The following NKAIN2 variants were observed in gnomAD, a reference collection of about 807,000 sequenced individuals.
The protein encoded by NKAIN2 is sodium/potassium-transporting ATPase subunit beta-1-interacting protein 2.
NKAIN2 carries 14 observed loss-of-function variants against 32.6 expected under a neutral mutation model. The ratio of observed to expected loss-of-function variants is 0.43; its 90% CI spans 0.28 to 0.67. NKAIN2 has a LOEUF of 0.67. Ranked by LOEUF, NKAIN2 falls within the 30% of genes least tolerant of loss-of-function variation. NKAIN2 has a pLI of 0.17. For synonymous variants in NKAIN2, 80 were observed against 87.2 expected (o/e 0.92, Z 0.46); for missense variants, 198 against 258.3 (o/e 0.77, Z 1.60).
At chr6:124,498,476 G>A (rs939747183) in intron 3 of NKAIN2, among the ~76,000 whole-genome samples, 2 of 152,118 alleles carry the variant, frequency 1.3e-5, no homozygotes, top group East Asian at 3.9e-4. Flanking sequence ...ACGTTGTGAG[G>A]TTAAAGGAAA....
chr6:124,738,666 C>T (rs1733209265), intron 4 of NKAIN2, among the ~76,000 whole-genome samples: 1 of 151,772 alleles, frequency 6.6e-6, no homozygotes, highest in Non-Finnish European at 1.5e-5. Context: ...ATGCATGTAA[C>T]CTCTTTTCAC....
intron 4 of NKAIN2, among the ~76,000 whole-genome samples, chr6:124,668,850 A>G (rs1438436259): frequency 6.6e-6 from 1 of 152,136 alleles, no homozygotes; most frequent in Non-Finnish European, 1.5e-5. Context: ...TATAGTAAAG[A>G]AGTCACCAAA....
chr6:123,883,663 T>A (rs1317290345), intron 1 of NKAIN2, among the ~76,000 whole-genome samples: 5 of 135,116 alleles, frequency 3.7e-5, no homozygotes, highest in South Asian at 2.4e-4. Context: ...TTTTTTAAAA[T>A]TTTAAAAAAC....
At chr6:123,813,566 C>G (rs977409660) in intron 1 of NKAIN2, among the ~76,000 whole-genome samples, 2 of 152,106 alleles carry the variant, frequency 1.3e-5, no homozygotes, top group Non-Finnish European at 2.9e-5. Context: ...AATACCAGCA[C>G]TTTGGGAGGC....
At chr6:124,615,310 C>T (rs1255623402) in intron 3 of NKAIN2, among the ~76,000 whole-genome samples, 1 of 152,112 alleles carries the variant, frequency 6.6e-6, no homozygotes, top group Admixed American at 6.6e-5. Context: ...AAAATTTCAG[C>T]TACTGAGCAA....
chr6:124,740,916 T>C (rs1777177639), intron 4 of NKAIN2, among the ~76,000 whole-genome samples: 1 of 151,848 alleles, frequency 6.6e-6, no homozygotes, highest in African/African-American at 2.4e-5. Flanking sequence ...AATATGGAAT[T>C]TCACAGAAGG....
intron 1 of NKAIN2, among the ~76,000 whole-genome samples, chr6:123,955,005 G>A: frequency 6.6e-6 from 1 of 151,936 alleles, no homozygotes; most frequent in Non-Finnish European, 1.5e-5. Flanking sequence ...AGGGGAGGAG[G>A]GGAGAAGGGG....
chr6:124,081,649 CAG>C (rs942805609), intron 1 of NKAIN2, among the ~76,000 whole-genome samples: 3 of 151,970 alleles, frequency 2.0e-5, no homozygotes, highest in Non-Finnish European at 4.4e-5. Context: ...AATTTTCTAG[CAG>C]AGTCATGAAA....
chr6:124,076,113 G>A (rs1226278934), intron 1 of NKAIN2, among the ~76,000 whole-genome samples: 1 of 152,176 alleles, frequency 6.6e-6, no homozygotes, highest in Non-Finnish European at 1.5e-5. Flanking sequence ...TTGGCTATCA[G>A]CAAAAATTAG....
At chr6:124,229,789 G>A (rs1022912290) in intron 1 of NKAIN2, among the ~76,000 whole-genome samples, 1 of 152,026 alleles carries the variant, frequency 6.6e-6, no homozygotes, top group South Asian at 2.1e-4. Flanking sequence ...GCTCCTCTTT[G>A]CCTTCTGCCA....
At chr6:123,930,452 A>G (rs761847612) in intron 1 of NKAIN2, among the ~76,000 whole-genome samples, 3 of 152,170 alleles carry the variant, frequency 2.0e-5, no homozygotes, top group Non-Finnish European at 4.4e-5. Flanking sequence ...ATATGGAGTT[A>G]TTAGTCCTGA....
At chr6:124,081,392 T>G (rs1001264186) in intron 1 of NKAIN2, among the ~76,000 whole-genome samples, 1 of 152,130 alleles carries the variant, frequency 6.6e-6, no homozygotes, top group Admixed American at 6.6e-5. Context: ...TACCAGAATT[T>G]TTATGTTTCA....
chr6:124,133,269 A>G (rs1330562753), intron 1 of NKAIN2, among the ~76,000 whole-genome samples: 2 of 152,144 alleles, frequency 1.3e-5, no homozygotes, highest in Non-Finnish European at 2.9e-5. Flanking sequence ...GTTCCTCCCT[A>G]CTTGGGACAT....
intron 3 of NKAIN2, among the ~76,000 whole-genome samples, chr6:124,420,604 G>A (rs1486376153): frequency 3.3e-5 from 5 of 152,034 alleles, no homozygotes; most frequent in Non-Finnish European, 5.9e-5. Flanking sequence ...ACAGTAAAAC[G>A]ATTAACAGTT....
At chr6:124,699,813 T>C (rs80296224) in intron 4 of NKAIN2, among the ~76,000 whole-genome samples, 8,769 of 152,202 alleles carry the variant, frequency 0.058, 340 homozygotes, top group African/African-American at 0.11. Flanking sequence ...GGTATTTCTT[T>C]ATAGCAATGC....
intron 1 of NKAIN2, among the ~76,000 whole-genome samples, chr6:124,265,010 C>T (rs1794426288): frequency 6.6e-6 from 1 of 151,998 alleles, no homozygotes; most frequent in South Asian, 2.1e-4. Flanking sequence ...AGGTCCACAT[C>T]CAAATTATAT....
intron 1 of NKAIN2, among the ~76,000 whole-genome samples, chr6:123,807,427 C>G (rs1039159205): frequency 4.6e-5 from 7 of 152,052 alleles, no homozygotes; most frequent in African/African-American, 1.7e-4. Context: ...TCATTGCTGT[C>G]CTTAATACTC....
chr6:124,132,928 A>G (rs1391087423), intron 1 of NKAIN2, among the ~76,000 whole-genome samples: 1 of 152,228 alleles, frequency 6.6e-6, no homozygotes, highest in African/African-American at 2.4e-5. Context: ...ACATCAAGGT[A>G]TCACACCATG....
At chr6:124,729,710 G>A (rs1046787195) in intron 4 of NKAIN2, among the ~76,000 whole-genome samples, 9 of 150,514 alleles carry the variant, frequency 6.0e-5, no homozygotes, top group African/African-American at 1.9e-4. Flanking sequence ...TCTGGCCAGG[G>A]CAATTAGGCA....
Sources: allele counts gnomAD v4.1 joint callset (sites outside exome capture counted in the v4.1 genomes callset), GRCh38; gene constraint gnomAD v4.1.1; transcripts MANE v1.5; gene names NCBI Gene and HGNC (gene_info 2026-07-23, HGNC 2026-07-21).